The following NFATC3 variants were observed in gnomAD, a reference collection of about 807,000 sequenced individuals.
The protein encoded by NFATC3 is nuclear factor of activated T cells 3, also known as nuclear factor of activated T-cells, cytoplasmic 3.
Under a neutral mutation model 98.6 loss-of-function variants are expected in NFATC3, and 46 were observed. The observed-to-expected ratio is 0.47, with a 90% CI of 0.37 to 0.60. NFATC3 has a LOEUF of 0.60. NFATC3 is among the 20% of genes least tolerant of loss of function. The pLI, the probability that NFATC3 is intolerant of heterozygous loss-of-function variation, is 0.00. For missense variants in NFATC3, 1,256 were observed against 1,295.5 expected (o/e 0.97, Z 0.47); for synonymous variants, 512 against 472.2 (o/e 1.08, Z -1.09).
intron 4 of NFATC3, among the ~76,000 whole-genome samples, chr16:68,162,763 AATTG>A (rs1206993361): frequency 2.7e-5 from 4 of 149,960 alleles, no homozygotes; most frequent in East Asian, 1.9e-4. Flanking sequence ...TTTTTTTTTT[AATTG>A]ATCATTCTTG....
chr16:68,100,024 C>G (rs143241270), intron 1 of NFATC3, among the ~76,000 whole-genome samples: 23 of 152,236 alleles, frequency 1.5e-4, no homozygotes, highest in African/African-American at 5.5e-4. Flanking sequence ...CCTGGCGATC[C>G]TTCCAAGTTG....
intron 8 of NFATC3, among the ~76,000 whole-genome samples, chr16:68,188,972 T>A (rs1453455872): frequency 6.6e-6 from 1 of 152,160 alleles, no homozygotes; most frequent in Non-Finnish European, 1.5e-5. Flanking sequence ...CCTCCCAAAG[T>A]GCTGGGATTA....
intron 1 of NFATC3, among the ~76,000 whole-genome samples, chr16:68,111,416 C>T (rs2035939933): frequency 6.6e-6 from 1 of 152,096 alleles, no homozygotes; most frequent in African/African-American, 2.4e-5. Context: ...GGTTTAAAAT[C>T]TGTTTTGTCA....
intron 4 of NFATC3, 38 bp downstream of exon 4, chr16:68,158,106 T>G: frequency 7.4e-7 from 1 of 1,350,606 alleles, no homozygotes; most frequent in Non-Finnish European, 1.0e-6. Context: ...AGTTCTTTTT[T>G]TCTCTATACT....
chr16:68,119,730 G>A (rs1440752195), intron 1 of NFATC3, among the ~76,000 whole-genome samples: 3 of 151,630 alleles, frequency 2.0e-5, no homozygotes, highest in Non-Finnish European at 4.4e-5. Flanking sequence ...ATTTTTTCCC[G>A]TTTTATTTTC....
In NFATC3 at chr16:68,220,903, A is replaced by AGGAG. The variant is rs755655666; in HGVS notation, c.3107-5445_3107-5444insAGGG. Among the ~76,000 whole-genome samples, 40 of 151,372 alleles carry AGGAG rather than the reference A, an allele frequency of 2.6e-4. No homozygotes were observed. The South Asian group carries it at 3.8e-3, about 14-fold the overall frequency. ...CACCGCACTCCAGCCTGGGAGACAG[A>AGGAG]GGGAGACTCTGTCTCAGAAAAAAAA... On this transcript the variant is annotated intron_variant, in intron 9 of 9. Transcript: ENST00000346183.
At chr16:68,209,400 A>G (rs2041281152) in intron 9 of NFATC3, 1 of 159,158 alleles carries the variant, frequency 6.3e-6, no homozygotes, top group African/African-American at 2.4e-5. Flanking sequence ...GCCACTGCTG[A>G]GTTGAGTGGA....
At chr16:68,196,995 A>C (rs1239544285) in intron 9 of NFATC3, among the ~76,000 whole-genome samples, 2 of 152,162 alleles carry the variant, frequency 1.3e-5, no homozygotes, top group African/African-American at 4.8e-5. Flanking sequence ...GCGCCATTGC[A>C]ATCCAGCCTG....
intron 9 of NFATC3, among the ~76,000 whole-genome samples, chr16:68,220,920 GAA>G (rs528473011): frequency 7.1e-6 from 1 of 140,718 alleles, no homozygotes; most frequent in Non-Finnish European, 1.6e-5. Flanking sequence ...CTCTGTCTCA[GAA>G]AAAAAAAAAA....
At chr16:68,102,242 C>T (rs960817413) in intron 1 of NFATC3, among the ~76,000 whole-genome samples, 4 of 151,508 alleles carry the variant, frequency 2.6e-5, no homozygotes, top group South Asian at 4.2e-4. Context: ...TGTGGTGGTG[C>T]GTGGCTGTAA....
At chr16:68,119,069 G>T (rs540211132) in intron 1 of NFATC3, among the ~76,000 whole-genome samples, 1 of 152,018 alleles carries the variant, frequency 6.6e-6, no homozygotes, top group South Asian at 2.1e-4. Flanking sequence ...GGGTTTCACC[G>T]TGTTAGCCAG....
rs577056579 is a variant in NFATC3, at chr16:68,139,996, TTTA to T, written c.1401+13398_1401+13400del. ...GAAGAGGGATTTTTATTTTTAAATT[TTTA>T]TTATTATTATTTTTTGAGACAGAGT... On this transcript the variant is annotated intron_variant, in intron 3 of 9. Transcript: ENST00000346183. Among the ~76,000 whole-genome samples the T allele has an allele frequency of 1.9e-4, 29 of 152,236 alleles. No individual in the cohort carries two copies. In the East Asian group the frequency reaches 3.5e-3, roughly 18 times the overall value.
intron 9 of NFATC3, among the ~76,000 whole-genome samples, chr16:68,201,608 C>T (rs1472334959): frequency 6.6e-6 from 1 of 151,258 alleles, no homozygotes; most frequent in Non-Finnish European, 1.5e-5. Flanking sequence ...AGATTTGATT[C>T]AGTGTGGTAA....
chr16:68,099,886 G>T (rs1385762520), intron 1 of NFATC3, among the ~76,000 whole-genome samples: 1 of 152,046 alleles, frequency 6.6e-6, no homozygotes, highest in Admixed American at 6.5e-5. Flanking sequence ...ATGCCTCACT[G>T]CAGCCTTGAA....
chr16:68,226,909 A>AAAAAAAAAAAAAAAG lies in NFATC3; in HGVS notation c.*448_*462dup. The stretch of plus-strand genomic sequence containing the variant: ...GACCTTCTAGAAGCAAAAAAAAAAA[A>AAAAAAAAAAAAAAAG]AAAAAAAAAAAAAAGAAAAAAAAAG... On this transcript the variant is annotated 3_prime_UTR_variant, in exon 10 of 10. Coordinates refer to ENST00000346183, the MANE Select transcript of NFATC3 (RefSeq NM_173165.3). The AAAAAAAAAAAAAAAG allele has an allele frequency of 1.4e-5, 2 of 147,822 alleles. No individual in the cohort carries two copies. The highest frequency in any genetic ancestry group is 2.5e-5 in the African/African-American group (1 of 40,770). The allele number at this position is 147,822 out of a possible 1,614,324, so 9.2% of individuals were successfully genotyped here.
chr16:68,218,725 G>A (rs1049997373), intron 9 of NFATC3, among the ~76,000 whole-genome samples: 9 of 150,342 alleles, frequency 6.0e-5, no homozygotes, highest in Non-Finnish European at 1.2e-4. Context: ...GGTGCCTGCC[G>A]CCACGCCCAG....
At chr16:68,138,179 G>A (rs1021208993) in intron 3 of NFATC3, among the ~76,000 whole-genome samples, 2 of 151,866 alleles carry the variant, frequency 1.3e-5, no homozygotes, top group Admixed American at 1.3e-4. Context: ...AGGATTACAG[G>A]CACCCACCAA....
At chr16:68,109,334 T>C (rs935872048) in intron 1 of NFATC3, among the ~76,000 whole-genome samples, 4 of 152,204 alleles carry the variant, frequency 2.6e-5, no homozygotes, top group Non-Finnish European at 5.9e-5. Flanking sequence ...GAGATAATCA[T>C]GTGATTTTTG....
In NFATC3 at chr16:68,122,558, G is replaced by A; in HGVS notation, c.675G>A (p.Trp225Ter). 6 of 1,614,026 alleles carry A rather than the reference G, an allele frequency of 3.7e-6. No homozygotes were observed. Among genetic ancestry groups the A allele is most frequent in the Non-Finnish European group, 5.1e-6 (6 of 1,179,986 alleles). ...GGGGCTGCCCTGGAGAAGAAACTTG[G>A]CATCAACAGTATGGACTTGGACACT... ...SPGGCPGEET[W>*]HQQYGLGHSL... The change falls in exon 2 of 10, where the codon TGG (tryptophan) becomes TGA (stop). Residue 225 changes from tryptophan (W) to a stop codon, truncating the protein, a stop_gained. Transcript: ENST00000346183. LOFTEE classifies it high-confidence loss of function.
Sources: gnomAD v4.1 joint callset for allele counts (sites outside exome capture counted in the v4.1 genomes callset) on GRCh38, gnomAD v4.1.1 for gene constraint, MANE v1.5 for transcripts, NCBI Gene and HGNC (gene_info 2026-07-23, HGNC 2026-07-21) for gene names.